The following ERICH6B variants were observed in gnomAD, a reference collection of about 807,000 sequenced individuals.
The protein encoded by ERICH6B is glutamate-rich protein 6B.
ERICH6B carries 69 observed loss-of-function variants against 80.0 expected under a neutral mutation model. The ratio of observed to expected loss-of-function variants is 0.86; its 90% confidence interval spans 0.71 to 1.05. ERICH6B has a LOEUF of 1.05. Ranked by LOEUF, ERICH6B falls within the 50% of genes least tolerant of loss-of-function variation. The pLI, the probability that ERICH6B is intolerant of heterozygous loss-of-function variation, is 0.00. For synonymous variants in ERICH6B, 283 were observed against 291.9 expected, an observed-to-expected ratio of 0.97 and a Z score of 0.31; for missense variants, 754 against 796.1, an observed-to-expected ratio of 0.95 and a Z score of 0.64.
chr13:45,578,883 C>T (rs1875534465), intron 7 of ERICH6B, among the ~76,000 whole-genome samples: 1 of 152,182 alleles, frequency 6.6e-6, no homozygotes, highest in African/African-American at 2.4e-5. Context: ...GAGACCTGAT[C>T]TCTTTAATAA....
At chr13:45,554,440 G>T (rs893149962) in intron 11 of ERICH6B, among the ~76,000 whole-genome samples, 4 of 152,166 alleles carry the variant, frequency 2.6e-5, no homozygotes, top group African/African-American at 9.7e-5. Context: ...TGTTGGAAAT[G>T]TCCAGATGTT....
At chr13:45,549,161 G>C (rs749880787) in intron 13 of ERICH6B, among the ~76,000 whole-genome samples, 2 of 152,004 alleles carry the variant, frequency 1.3e-5, no homozygotes, top group Non-Finnish European at 2.9e-5. Context: ...GTGCATGCCT[G>C]TAATCTCAGC....
chr13:45,590,271 T>C (rs952296444), intron 4 of ERICH6B, among the ~76,000 whole-genome samples: 41 of 151,940 alleles, frequency 2.7e-4, no homozygotes, highest in African/African-American at 8.7e-4. Flanking sequence ...CTTGGAAATA[T>C]GCCTGAGCCT....
chr13:45,606,623 G>T (rs1379962263), intron 2 of ERICH6B, among the ~76,000 whole-genome samples: 3 of 136,714 alleles, frequency 2.2e-5, no homozygotes, highest in African/African-American at 8.4e-5. Flanking sequence ...GTGTAATCTC[G>T]GCTCACTGCA....
At chr13:45,561,596 C>T in intron 10 of ERICH6B, 70 bp from the exon 11 acceptor site, 2 of 1,514,576 alleles carry the variant, frequency 1.3e-6, no homozygotes, top group East Asian at 2.5e-5. Context: ...TTAGATCTGT[C>T]TCTCTCAAGG....
chr13:45,606,106 T>G (rs151271233), intron 2 of ERICH6B, among the ~76,000 whole-genome samples: 2 of 152,334 alleles, frequency 1.3e-5, no homozygotes, highest in East Asian at 3.9e-4. Context: ...AAAGCTTTCA[T>G]GAAAATTATT....
At chr13:45,596,294 T>G in intron 3 of ERICH6B, 75 bp downstream of exon 3, 1 of 1,460,162 alleles carries the variant, frequency 6.8e-7, no homozygotes, top group Non-Finnish European at 9.1e-7. Context: ...TTCCAGATAC[T>G]CTTCTTCATC....
chr13:45,549,621 TAAG>T (rs1408903780), intron 13 of ERICH6B, among the ~76,000 whole-genome samples: 3 of 152,182 alleles, frequency 2.0e-5, no homozygotes, highest in Non-Finnish European at 2.9e-5. Flanking sequence ...AGGTGACTCT[TAAG>T]AAGTATTTAG....
At chr13:45,601,985 C>T (rs1489745719) in intron 2 of ERICH6B, among the ~76,000 whole-genome samples, 2 of 152,170 alleles carry the variant, frequency 1.3e-5, no homozygotes, top group African/African-American at 4.8e-5. Context: ...TCTGAAGGTG[C>T]GTGTGTGTAA....
chr13:45,547,293 G>A (rs1394815865), intron 13 of ERICH6B, among the ~76,000 whole-genome samples: 1 of 152,224 alleles, frequency 6.6e-6, no homozygotes, highest in African/African-American at 2.4e-5. Context: ...TCACTCTGTG[G>A]GGAGCAGATC....
chr13:45,547,173 CA>C (rs1195568465), intron 13 of ERICH6B, among the ~76,000 whole-genome samples: 1 of 152,164 alleles, frequency 6.6e-6, no homozygotes, highest in Non-Finnish European at 1.5e-5. Flanking sequence ...GTACTTTGTT[CA>C]GAGGGCTGAG....
At chr13:45,597,968 C>T (rs532814993) in intron 2 of ERICH6B, among the ~76,000 whole-genome samples, 1 of 152,318 alleles carries the variant, frequency 6.6e-6, no homozygotes, top group East Asian at 1.9e-4. Flanking sequence ...CTCTGCTAGT[C>T]ATTTGCTGCA....
chr13:45,560,033 T>A (rs1874601342), intron 11 of ERICH6B, among the ~76,000 whole-genome samples: 1 of 150,926 alleles, frequency 6.6e-6, no homozygotes, highest in South Asian at 2.1e-4. Context: ...CCAGTAGTAA[T>A]TGTTTGATAA....
Position 45,549,881 on chromosome 13 carries a change from A to G in ERICH6B, c.1646+12T>C. The G allele has an allele frequency of 6.5e-7, 1 of 1,548,334 alleles. No individual in the cohort carries two copies. The highest frequency in any genetic ancestry group is 1.2e-5 in the South Asian group (1 of 83,992). On this transcript the variant is annotated intron_variant, in intron 13 of 14. Coordinates refer to ENST00000298738, the MANE Select transcript of ERICH6B (RefSeq NM_182542.3). ...TGGGCAGGAGTGTTAGGGACTCATG[A>G]CCCAAGCTTACCAGATATCACTATT...
intron 1 of ERICH6B, among the ~76,000 whole-genome samples, chr13:45,612,737 G>A (rs1205919060): frequency 1.3e-5 from 2 of 152,184 alleles, no homozygotes; most frequent in Admixed American, 6.5e-5. Flanking sequence ...GAGGGTCTGT[G>A]TTTTCACATG....
At chr13:45,611,154 T>C (rs1271097337) in intron 1 of ERICH6B, among the ~76,000 whole-genome samples, 1 of 152,168 alleles carries the variant, frequency 6.6e-6, no homozygotes, top group Non-Finnish European at 1.5e-5. Flanking sequence ...GTAATACTTA[T>C]AAAGCAACTT....
At chr13:45,550,144 A>G (rs1424923521) in intron 12 of ERICH6B, 87 bp downstream of exon 12, 73 of 1,531,696 alleles carry the variant, frequency 4.8e-5, no homozygotes, top group Non-Finnish European at 6.0e-5. Flanking sequence ...CCCACACCTC[A>G]GTCAAACCCC....
chr13:45,558,282 A>G (rs1010957967), intron 11 of ERICH6B, among the ~76,000 whole-genome samples: 4 of 152,150 alleles, frequency 2.6e-5, no homozygotes, highest in African/African-American at 9.7e-5. Context: ...GTGTACACTA[A>G]TTTTGTATCT....
At chr13:45,557,943 G>A (rs1874506863) in intron 11 of ERICH6B, among the ~76,000 whole-genome samples, 1 of 131,210 alleles carries the variant, frequency 7.6e-6, no homozygotes, top group Non-Finnish European at 1.7e-5. Context: ...TGAATTTTAG[G>A]ATTTTTTTTT....
Sources: allele counts gnomAD v4.1 joint callset (sites outside exome capture counted in the v4.1 genomes callset), GRCh38; gene constraint gnomAD v4.1.1; transcripts MANE v1.5; gene names NCBI Gene and HGNC (gene_info 2026-07-23, HGNC 2026-07-21).